The following SLC10A7 variants were observed in gnomAD, a reference collection of about 807,000 sequenced individuals.
The protein encoded by SLC10A7 is sodium/bile acid cotransporter 7.
SLC10A7 carries 29 observed loss-of-function variants against 43.2 expected under a neutral mutation model. That is an observed-to-expected ratio of 0.67 (90% CI 0.50 to 0.92). The LOEUF is 0.92. Among genes scored for constraint, SLC10A7 ranks in the 40% least tolerant of loss-of-function variants. SLC10A7 has a pLI of 0.00. For missense variants in SLC10A7, 295 were observed against 403.2 expected, an observed-to-expected ratio of 0.73 and a Z score of 2.30; for synonymous variants, 152 against 144.8, an observed-to-expected ratio of 1.05 and a Z score of -0.35.
At position 146,395,075 on chromosome 4, in the gene SLC10A7, A is replaced by C. The variant is rs191341890; in HGVS notation, c.435+47708T>G. 1.9e-3 allele frequency among the ~76,000 whole-genome samples: 296 copies of C among 152,192 alleles called. 2 individuals carry two copies. Among genetic ancestry groups the C allele is most frequent in the African/African-American group, 6.9e-3 (285 of 41,530 alleles). On this transcript the variant is annotated intron_variant, in intron 5 of 11. Coordinates refer to ENST00000335472, the MANE Select transcript of SLC10A7 (RefSeq NM_001029998.6). ...CCTGCTATTACATGCTTCTCTATTA[A>C]AATGCAGTTTTGGCTGGGCACAGTA...
At chr4:146,258,933 T>C in intron 10 of SLC10A7, 96 bp from the exon 11 acceptor site, 1 of 1,321,892 alleles carries the variant, frequency 7.6e-7, no homozygotes, top group Non-Finnish European at 1.0e-6. Flanking sequence ...GAATAGGTTA[T>C]TACCATATTT....
At chr4:146,426,944 G>T (rs188360153) in intron 5 of SLC10A7, among the ~76,000 whole-genome samples, 1 of 152,166 alleles carries the variant, frequency 6.6e-6, no homozygotes, top group African/African-American at 2.4e-5. Context: ...TAGCAGTCTC[G>T]TAGAGAAATG....
At position 146,485,109 on chromosome 4, in the gene SLC10A7, C is replaced by T. The variant is rs569585179; in HGVS notation, c.396+18740G>A. 7.9e-4 allele frequency among the ~76,000 whole-genome samples: 120 copies of T among 152,306 alleles called. 1 individual carries two copies. The highest frequency in any genetic ancestry group is 2.7e-3 in the African/African-American group (114 of 41,566). ...TAGGAAAAGAAGCAAAACAGTAAAA[C>T]TTAGGATAACCAAACCAACTTCCTA... On this transcript the variant is annotated intron_variant, in intron 4 of 11. Transcript: ENST00000335472.
At chr4:146,453,342 G>C (rs1731761735) in intron 4 of SLC10A7, among the ~76,000 whole-genome samples, 1 of 151,920 alleles carries the variant, frequency 6.6e-6, no homozygotes, top group African/African-American at 2.4e-5. Flanking sequence ...TGAGAACAGA[G>C]CCGGCCGACA....
At chr4:146,338,386 A>G (rs2149723306) in intron 5 of SLC10A7, among the ~76,000 whole-genome samples, 1 of 152,046 alleles carries the variant, frequency 6.6e-6, no homozygotes, top group South Asian at 2.1e-4. Context: ...TTTACAGAGG[A>G]GAAAATTGAG....
At chr4:146,514,887 T>C (rs780573600) in intron 2 of SLC10A7, 40 of 502,874 alleles carry the variant, frequency 8.0e-5, no homozygotes, top group Non-Finnish European at 1.3e-4. Context: ...GTTATATGGC[T>C]TTTGAAAATG....
chr4:146,346,863 T>G (rs1034718533), intron 5 of SLC10A7, among the ~76,000 whole-genome samples: 5 of 152,122 alleles, frequency 3.3e-5, no homozygotes, highest in African/African-American at 1.2e-4. Context: ...TCTTTGTGAT[T>G]TCATTCAACA....
At chr4:146,285,583 G>A (rs574946354) in intron 9 of SLC10A7, among the ~76,000 whole-genome samples, 80 of 152,276 alleles carry the variant, frequency 5.3e-4, no homozygotes, top group Admixed American at 2.0e-3. Context: ...CACAAGCTAG[G>A]GGATATTGAT....
chr4:146,311,508 T>A (rs1731974680), intron 6 of SLC10A7, among the ~76,000 whole-genome samples: 1 of 152,170 alleles, frequency 6.6e-6, no homozygotes, highest in African/African-American at 2.4e-5. Context: ...TTGTGTCTCT[T>A]CCCAGCTATT....
intron 4 of SLC10A7, among the ~76,000 whole-genome samples, chr4:146,478,603 A>G (rs575282171): frequency 8.1e-4 from 123 of 152,302 alleles, no homozygotes; most frequent in Non-Finnish European, 7.5e-4. Flanking sequence ...TAAAACAAAG[A>G]TTTTAATTGT....
chr4:146,413,685 C>A (rs1728360389), intron 5 of SLC10A7, among the ~76,000 whole-genome samples: 1 of 152,084 alleles, frequency 6.6e-6, no homozygotes, highest in Non-Finnish European at 1.5e-5. Flanking sequence ...TGCAGACTTT[C>A]CATTCAAGCT....
chr4:146,477,653 G>A (rs1006616853), intron 4 of SLC10A7, among the ~76,000 whole-genome samples: 1 of 152,160 alleles, frequency 6.6e-6, no homozygotes, highest in South Asian at 2.1e-4. Context: ...TGAAAAGAAA[G>A]AGGTCAACTA....
chr4:146,433,750 A>G (rs1326885390), intron 5 of SLC10A7, among the ~76,000 whole-genome samples: 4 of 151,994 alleles, frequency 2.6e-5, no homozygotes, highest in Non-Finnish European at 4.4e-5. Flanking sequence ...CTCTAGTCCC[A>G]GTTGAGGTGG....
At chr4:146,509,468 T>C (rs1012176192) in intron 3 of SLC10A7, among the ~76,000 whole-genome samples, 1 of 152,244 alleles carries the variant, frequency 6.6e-6, no homozygotes, top group African/African-American at 2.4e-5. Flanking sequence ...ATCTTCAGGC[T>C]CTAAGTTCAA....
chr4:146,400,322 G>A (rs141390428), intron 5 of SLC10A7, among the ~76,000 whole-genome samples: 7 of 152,200 alleles, frequency 4.6e-5, no homozygotes, highest in Non-Finnish European at 8.8e-5. Context: ...TGGGTATGGG[G>A]TGGGATTGGC....
At chr4:146,411,131 G>A (rs952878929) in intron 5 of SLC10A7, among the ~76,000 whole-genome samples, 1 of 152,080 alleles carries the variant, frequency 6.6e-6, no homozygotes, top group Admixed American at 6.6e-5. Context: ...CACCTTGCCC[G>A]GCCTTCTTCA....
At chr4:146,513,331 A>G (rs978552391) in intron 2 of SLC10A7, among the ~76,000 whole-genome samples, 9 of 152,256 alleles carry the variant, frequency 5.9e-5, no homozygotes, top group East Asian at 1.9e-4. Flanking sequence ...ACATGTGTGT[A>G]TGTGTATAGA....
chr4:146,500,554 C>T (rs1736306149), intron 4 of SLC10A7, among the ~76,000 whole-genome samples: 1 of 152,138 alleles, frequency 6.6e-6, no homozygotes. Context: ...CAACTCAATA[C>T]CATTCTCTCT....
chr4:146,481,562 C>A (rs753379834), intron 4 of SLC10A7, among the ~76,000 whole-genome samples: 28 of 152,210 alleles, frequency 1.8e-4, no homozygotes, highest in Non-Finnish European at 3.5e-4. Flanking sequence ...GTTCCCTGGG[C>A]CTGAGCCTCT....
Sources: allele counts gnomAD v4.1 joint callset (sites outside exome capture counted in the v4.1 genomes callset), GRCh38; gene constraint gnomAD v4.1.1; transcripts MANE v1.5; gene names NCBI Gene and HGNC (gene_info 2026-07-23, HGNC 2026-07-21).